Variants in TBX4 observed in about 807,000 individuals in gnomAD.
TBX4 encodes T-box transcription factor 4, also known as T-box transcription factor TBX4.
A neutral mutation model predicts 54.6 loss-of-function variants in TBX4; 13 were observed. That is an observed-to-expected ratio of 0.24 (90% CI 0.15 to 0.38). The LOEUF is 0.38. TBX4 is among the 10% of genes least tolerant of loss of function. The pLI, the probability that TBX4 is intolerant of heterozygous loss-of-function variation, is 1.00. For synonymous variants in TBX4, 314 were observed against 306.7 expected, an observed-to-expected ratio of 1.02 and a Z score of -0.25; for missense variants, 631 against 728.5, an observed-to-expected ratio of 0.87 and a Z score of 1.54.
At chr17:61,471,471 C>A (rs1365260729) in intron 5 of TBX4, among the ~76,000 whole-genome samples, 1 of 151,968 alleles carries the variant, frequency 6.6e-6, no homozygotes, top group East Asian at 1.9e-4. Context: ...ACATCTCTCT[C>A]TACTTGTTCC....
In TBX4 at chr17:61,478,609, G is replaced by A. The variant is rs778619995; in HGVS notation, c.550-18G>A. 2 of 1,614,184 alleles carry A rather than the reference G, an allele frequency of 1.2e-6. No individual in the cohort carries two copies. The highest frequency in any genetic ancestry group is 1.7e-5 in the Admixed American group (1 of 60,028). On this transcript the variant is annotated intron_variant, in intron 5 of 8. Transcript: ENST00000644296. This position sits in a 1 kb window ranked among gnomAD's most constrained non-coding sequence, Gnocchi z 7.4. ...CGGATGGGGACCTGGAGCTCAGCAT[G>A]AGACCCTTCTCTTCCAGATCATCCT...
rs146466509 is a variant in TBX4, at chr17:61,465,690, G to A, written c.282-129G>A. On this transcript the variant is annotated intron_variant, in intron 3 of 8. Transcript: ENST00000644296. The surrounding 1 kb of genome is among the most constrained non-coding windows in gnomAD (Gnocchi z 4.9). ...AGTGAGTTGTGCAGGTCACACAGCT[G>A]TGACCAATGCCAGGATCGCTGGCCA... 5.6e-6 allele frequency: 7 copies of A among 1,257,016 alleles called. No homozygotes were observed. The highest frequency in any genetic ancestry group is 2.4e-5 in the East Asian group (1 of 42,314). 77.9% of individuals were successfully genotyped at this position (1,257,016 alleles called of 1,614,324 possible). A position where few individuals can be genotyped will look rare whatever the true frequency, so the allele number is the denominator to read the frequency against.
intron 5 of TBX4, among the ~76,000 whole-genome samples, chr17:61,471,667 G>T (rs2060578956): frequency 6.6e-6 from 1 of 150,750 alleles, no homozygotes; most frequent in Admixed American, 6.6e-5. Context: ...AATATCTCTT[G>T]GAGAATAGTC....
rs2060459041 is a variant in TBX4, at chr17:61,457,274, G to A, written c.187-263G>A. Among the ~76,000 whole-genome samples the A allele has an allele frequency of 6.8e-6, 1 of 147,622 alleles. No homozygotes were observed. The highest frequency in any genetic ancestry group is 2.5e-5 in the African/African-American group (1 of 40,286). On this transcript the variant is annotated intron_variant, in intron 2 of 8. Transcript: ENST00000644296. The surrounding 1 kb of genome is among the most constrained non-coding windows in gnomAD (Gnocchi z 8.2). ...GAAATGTTCATGAGTGAGCAGGAGT[G>A]TCGTCTAACCTGCGCTGGCCACTAT...
In TBX4 at chr17:61,472,405, G is replaced by T. The variant is rs1360365929; in HGVS notation, c.549+4748G>T. Among the ~76,000 whole-genome samples the T allele has an allele frequency of 2.6e-5, 4 of 152,284 alleles. No homozygotes were observed. The highest frequency in any genetic ancestry group is 1.5e-5 in the Non-Finnish European group (1 of 68,020). ...TTTGCATTTCCTTTATTATGAGTAAGGTTAAGCATCTTCTTTTAATAAATT... is the reference window on the plus strand; with the variant it reads ...TTTGCATTTCCTTTATTATGAGTAATGTTAAGCATCTTCTTTTAATAAATT... On this transcript the variant is annotated intron_variant, in intron 5 of 8. Coordinates refer to ENST00000644296, the MANE Select transcript of TBX4 (RefSeq NM_001321120.2). The surrounding 1 kb of genome is among the most constrained non-coding windows in gnomAD (Gnocchi z 4.5).
At position 61,456,320 on chromosome 17, in the gene TBX4, C is replaced by T. The variant is rs1378597524; in HGVS notation, c.-3-168C>T. ...AGCCTGAAGGGAGGAGGCGAGGGAC[C>T]TGCCTTCCTTGCGGGTTCCCTCCTC... On this transcript the variant is annotated intron_variant, in intron 1 of 8. Coordinates refer to ENST00000644296, the MANE Select transcript of TBX4 (RefSeq NM_001321120.2). 5.9e-6 allele frequency: 5 copies of T among 841,548 alleles called. No homozygotes were observed. The Admixed American group carries it at 8.4e-5, about 14-fold the overall frequency. The allele number at this position is 841,548 out of a possible 1,614,324, so 52.1% of individuals were successfully genotyped here. A position where few individuals can be genotyped will look rare whatever the true frequency, so the allele number is the denominator to read the frequency against.
chr17:61,471,631 T>G (rs1445063921), intron 5 of TBX4, among the ~76,000 whole-genome samples: 1 of 151,538 alleles, frequency 6.6e-6, no homozygotes, highest in Non-Finnish European at 1.5e-5. Context: ...TAGAAACATT[T>G]TTTGCATTTG....
At position 61,479,402 on chromosome 17, in the gene TBX4, G is replaced by A. The variant is rs1016615141; in HGVS notation, c.703-479G>A. On this transcript the variant is annotated intron_variant, in intron 6 of 8. Transcript: ENST00000644296. This position sits in a 1 kb window ranked among gnomAD's most constrained non-coding sequence, Gnocchi z 6.1. ...ACTGGGGAAGGGCCGTGGCTGTGGT[G>A]GATTTTAGGCAGAAGAGTGACAGAG... Among the ~76,000 whole-genome samples, 2 of 152,206 alleles carry A rather than the reference G, an allele frequency of 1.3e-5. No homozygotes were observed. The highest frequency in any genetic ancestry group is 4.8e-5 in the African/African-American group (2 of 41,432).
intron 5 of TBX4, among the ~76,000 whole-genome samples, chr17:61,473,297 G>GAGTT (rs1297639517): frequency 6.6e-6 from 1 of 152,118 alleles, no homozygotes; most frequent in Non-Finnish European, 1.5e-5. Flanking sequence ...CTCATTTTCG[G>GAGTT]AGTTACTATG....
intron 1 of TBX4, among the ~76,000 whole-genome samples, chr17:61,454,403 G>A (rs535306459): frequency 1.3e-5 from 2 of 152,392 alleles, no homozygotes; most frequent in South Asian, 2.1e-4. Flanking sequence ...CCGCGGAGGA[G>A]TGGATGTGAA....
chr17:61,457,480 G>C lies in TBX4; in HGVS notation c.187-57G>C, dbSNP rs1341613726. 9.7e-6 allele frequency: 15 copies of C among 1,539,696 alleles called. No homozygotes were observed. The highest frequency in any genetic ancestry group is 3.4e-4 in the Middle Eastern group (2 of 5,960). ...TCGGGTCTGGTTCTTCTTTCCTCAG[G>C]CTCCGCGTGGAGCCCTGGGCCTGGC... On this transcript the variant is annotated intron_variant, in intron 2 of 8. Coordinates refer to ENST00000644296, the MANE Select transcript of TBX4 (RefSeq NM_001321120.2). This position sits in a 1 kb window ranked among gnomAD's most constrained non-coding sequence, Gnocchi z 8.2.
chr17:61,454,164 T>A (rs1201604239), intron 1 of TBX4, among the ~76,000 whole-genome samples: 1 of 152,184 alleles, frequency 6.6e-6, no homozygotes, highest in African/African-American at 2.4e-5. Flanking sequence ...GTAGTAATAA[T>A]CCACGCGATA....
Position 61,460,755 on chromosome 17 carries a change from C to T in TBX4, c.281+3124C>T, listed in dbSNP as rs1310931685. Among the ~76,000 whole-genome samples, 1 of 152,174 alleles carries T rather than the reference C, an allele frequency of 6.6e-6. No individual in the cohort carries two copies. Among genetic ancestry groups the T allele is most frequent in the African/African-American group, 2.4e-5 (1 of 41,426 alleles). On this transcript the variant is annotated intron_variant, in intron 3 of 8. Coordinates refer to ENST00000644296, the MANE Select transcript of TBX4 (RefSeq NM_001321120.2). This position sits in a 1 kb window ranked among gnomAD's most constrained non-coding sequence, Gnocchi z 4.4. ...ACAAAAAAATTTAAATATAAACCTC[C>T]CCAAAATGAAAATTGCCTAACTGTC... is the stretch of plus-strand genomic sequence containing the variant.
intron 5 of TBX4, among the ~76,000 whole-genome samples, chr17:61,471,542 C>CTTTTTT (rs1223655366): frequency 7.6e-6 from 1 of 131,400 alleles, no homozygotes; most frequent in African/African-American, 2.9e-5. Context: ...TTCTTTTCAG[C>CTTTTTT]ATTTTTTTTT....
In TBX4 at chr17:61,483,294, T is replaced by C; in HGVS notation, c.1419T>C (p.Ser473=). Residue 473 remains serine (S), a synonymous_variant, in exon 9 of 9, where the codon AGT becomes AGC. Transcript: ENST00000644296. The surrounding 1 kb of genome is among the most constrained non-coding windows in gnomAD (Gnocchi z 6.6). ...AGCCACCAGGAAATGCCCACTTTAG[T>C]GTCTACAATCAGCTCTCCCAGTCTC... is the stretch of plus-strand genomic sequence containing the variant. ...SSQPPGNAHF[S]VYNQLSQSQV... The C allele has an allele frequency of 6.2e-7, 1 of 1,613,888 alleles. No homozygotes were observed.
intron 4 of TBX4, among the ~76,000 whole-genome samples, chr17:61,466,851 A>G (rs1401336694): frequency 6.6e-6 from 1 of 152,246 alleles, no homozygotes; most frequent in Non-Finnish European, 1.5e-5. Flanking sequence ...AATATAATTT[A>G]TAACATGTGA....
At position 61,479,612 on chromosome 17, in the gene TBX4, G is replaced by A. The variant is rs2060648649; in HGVS notation, c.703-269G>A. On this transcript the variant is annotated intron_variant, in intron 6 of 8. Coordinates refer to ENST00000644296, the MANE Select transcript of TBX4 (RefSeq NM_001321120.2). The surrounding 1 kb of genome is among the most constrained non-coding windows in gnomAD (Gnocchi z 6.1). ...ATCAGAGGGTGGAGAGCAAGGAGTAGGGAGCCAGGGACAAACCAGGTGTGA... is the reference window on the plus strand; with the variant it reads ...ATCAGAGGGTGGAGAGCAAGGAGTAAGGAGCCAGGGACAAACCAGGTGTGA... Among the ~76,000 whole-genome samples, 2 of 152,124 alleles carry A rather than the reference G, an allele frequency of 1.3e-5. No individual in the cohort carries two copies.
At position 61,476,049 on chromosome 17, in the gene TBX4, T is replaced by C. The variant is rs2060618050; in HGVS notation, c.550-2578T>C. On this transcript the variant is annotated intron_variant, in intron 5 of 8. Transcript: ENST00000644296. The surrounding 1 kb of genome is among the most constrained non-coding windows in gnomAD (Gnocchi z 6.5). Reference sequence around the variant, plus strand: ...GGTCGTGGCCCAGATCTTCCCACTCTCAAACCCGACCTTGCACTCACTAGA... The same window carrying C: ...GGTCGTGGCCCAGATCTTCCCACTCCCAAACCCGACCTTGCACTCACTAGA... Among the ~76,000 whole-genome samples the C allele has an allele frequency of 6.6e-6, 1 of 152,120 alleles. No homozygotes were observed. Among genetic ancestry groups the C allele is most frequent in the African/African-American group, 2.4e-5 (1 of 41,400 alleles).
chr17:61,475,290 A>C lies in TBX4; in HGVS notation c.550-3337A>C, dbSNP rs921998261. Among the ~76,000 whole-genome samples the C allele has an allele frequency of 6.6e-6, 1 of 152,184 alleles. No individual in the cohort carries two copies. The highest frequency in any genetic ancestry group is 2.4e-5 in the African/African-American group (1 of 41,456). On this transcript the variant is annotated intron_variant, in intron 5 of 8. Coordinates refer to ENST00000644296, the MANE Select transcript of TBX4 (RefSeq NM_001321120.2). The surrounding 1 kb of genome is among the most constrained non-coding windows in gnomAD (Gnocchi z 5.0). The stretch of plus-strand genomic sequence containing the variant: ...GTCAAGAGGGAACAATCAAAGGTGG[A>C]TTGTGTACATAAGGCATTTACTGAG...
Sources: gnomAD v4.1 joint callset for allele counts (sites outside exome capture counted in the v4.1 genomes callset) on GRCh38, gnomAD v4.1.1 for gene constraint, Gnocchi (gnomAD v3.1) non-coding constraint, MANE v1.5 for transcripts, NCBI Gene and HGNC (gene_info 2026-07-23, HGNC 2026-07-21) for gene names.